MEMO1: variants seen among roughly 807,000 people sequenced by gnomAD.
MEMO1 encodes the protein protein MEMO1.
A neutral mutation model predicts 45.2 loss-of-function variants in MEMO1; 6 were observed. The observed-to-expected ratio is 0.13, with a 90% CI of 0.07 to 0.26. The LOEUF is 0.26. Among genes scored for constraint, MEMO1 ranks in the 10% least tolerant of loss-of-function variants. The pLI is 1.00. For missense variants in MEMO1, 184 were observed against 370.5 expected (o/e 0.50, Z 4.13); for synonymous variants, 78 against 124.3 (o/e 0.63, Z 2.48).
chr2:32,002,918 T>C (rs1673588374), intron 2 of MEMO1, among the ~76,000 whole-genome samples: 1 of 152,220 alleles, frequency 6.6e-6, no homozygotes, highest in African/African-American at 2.4e-5. Flanking sequence ...AAATATGTTC[T>C]TTCCTTCTTG....
At chr2:31,924,579 C>T (rs1231727051) in intron 4 of MEMO1, among the ~76,000 whole-genome samples, 2 of 152,028 alleles carry the variant, frequency 1.3e-5, no homozygotes, top group African/African-American at 4.8e-5. Context: ...ATAGTCTGTG[C>T]ACCCAATGTA....
At chr2:31,897,664 T>G (rs1678067675) in intron 6 of MEMO1, among the ~76,000 whole-genome samples, 1 of 152,198 alleles carries the variant, frequency 6.6e-6, no homozygotes, top group Admixed American at 6.5e-5. Context: ...TCAGGGATAT[T>G]GGCCTGAAAT....
chr2:31,960,863 G>A (rs1044230822), intron 2 of MEMO1, among the ~76,000 whole-genome samples: 1 of 152,134 alleles, frequency 6.6e-6, no homozygotes, highest in Non-Finnish European at 1.5e-5. Context: ...TAGGATTACA[G>A]GTGTGAGCCA....
intron 3 of MEMO1, among the ~76,000 whole-genome samples, chr2:31,934,166 T>C (rs1421841467): frequency 6.6e-6 from 1 of 152,178 alleles, no homozygotes; most frequent in Non-Finnish European, 1.5e-5. Flanking sequence ...TTGCTCTCAG[T>C]TGTCACTCAT....
At chr2:31,872,040 C>CACACACACAT (rs1449084052) in intron 8 of MEMO1, among the ~76,000 whole-genome samples, 1 of 151,826 alleles carries the variant, frequency 6.6e-6, no homozygotes, top group Non-Finnish European at 1.5e-5. Context: ...CACACACACA[C>CACACACACAT]ACACAAAGTT....
intron 5 of MEMO1, among the ~76,000 whole-genome samples, chr2:31,919,949 C>CGTGT (rs61002743): frequency 0.011 from 1,572 of 145,294 alleles, 15 homozygotes; most frequent in African/African-American, 0.018. Context: ...CACACATACA[C>CGTGT]GTGTGTGTGT....
chr2:31,948,452 G>C (rs187495498), intron 2 of MEMO1, among the ~76,000 whole-genome samples: 1 of 152,324 alleles, frequency 6.6e-6, no homozygotes, highest in East Asian at 1.9e-4. Flanking sequence ...TAGGCCGTTG[G>C]CACCCAGTAT....
intron 6 of MEMO1, among the ~76,000 whole-genome samples, chr2:31,910,820 C>A (rs995045399): frequency 9.2e-5 from 14 of 152,034 alleles, no homozygotes; most frequent in African/African-American, 2.9e-4. Context: ...AGATTGTGCA[C>A]CCCTGCACTC....
intron 2 of MEMO1, among the ~76,000 whole-genome samples, chr2:31,963,893 C>G (rs972484454): frequency 1.3e-5 from 2 of 152,064 alleles, no homozygotes; most frequent in Non-Finnish European, 2.9e-5. Context: ...AAAATACACA[C>G]CAAATTTCTA....
At chr2:31,934,840 T>C (rs1664720449) in intron 3 of MEMO1, among the ~76,000 whole-genome samples, 1 of 152,118 alleles carries the variant, frequency 6.6e-6, no homozygotes, top group Admixed American at 6.5e-5. Flanking sequence ...TCTTGAAAAT[T>C]GTGGCAGTAC....
intron 4 of MEMO1, among the ~76,000 whole-genome samples, chr2:31,929,904 T>C (rs1409962947): frequency 6.6e-6 from 1 of 152,202 alleles, no homozygotes; most frequent in Non-Finnish European, 1.5e-5. Flanking sequence ...ATTATTAATT[T>C]TACACTTAGA....
chr2:31,877,272 G>A (rs1674697129), intron 8 of MEMO1, among the ~76,000 whole-genome samples: 1 of 152,132 alleles, frequency 6.6e-6, no homozygotes, highest in Admixed American at 6.5e-5. Context: ...TAAATACCTA[G>A]AATAAAAATA....
intron 6 of MEMO1, among the ~76,000 whole-genome samples, chr2:31,895,968 C>G (rs971423515): frequency 6.6e-6 from 1 of 151,566 alleles, no homozygotes; most frequent in South Asian, 2.1e-4. Flanking sequence ...CTCAGCCTCC[C>G]GAGTAGCTGG....
rs988886743 is a variant in MEMO1 at position 31,994,997 on chromosome 2, G to GGAGA, written c.61+15186_61+15189dup. Among the ~76,000 whole-genome samples the GGAGA allele has an allele frequency of 1.1e-4, 16 of 150,138 alleles. No homozygotes were observed. The South Asian group carries it at 1.5e-3, about 14-fold the overall frequency. The stretch of plus-strand genomic sequence containing the variant: ...GAGAGGAAGGGAGGAAGGGAGGGAG[G>GGAGA]GAGAGAGGGAGGGAGGGAGGAAGGC... On this transcript the variant is annotated intron_variant, in intron 2 of 9. Coordinates refer to ENST00000404530, the MANE Select transcript of MEMO1 (RefSeq NM_001301833.4).
chr2:31,939,635 G>C (rs1392554023), intron 3 of MEMO1, among the ~76,000 whole-genome samples: 2 of 152,098 alleles, frequency 1.3e-5, no homozygotes, highest in African/African-American at 2.4e-5. Flanking sequence ...AATGTCTCTC[G>C]TGAGTTACTA....
At chr2:31,974,763 C>A (rs1234934956) in intron 2 of MEMO1, among the ~76,000 whole-genome samples, 1 of 151,638 alleles carries the variant, frequency 6.6e-6, no homozygotes, top group Non-Finnish European at 1.5e-5. Context: ...GAAAATACAT[C>A]TCTAAAAAGA....
At position 31,995,626 on chromosome 2, in the gene MEMO1, C is replaced by A. The variant is rs1212685644; in HGVS notation, c.61+14561G>T. On this transcript the variant is annotated intron_variant, in intron 2 of 9. Transcript: ENST00000404530. ...AGGAAACAGAAAAAAAGGGGGGGAA[C>A]ATTCTCAGTGAACTGTGGGAGAATA... Among the ~76,000 whole-genome samples, 6 of 151,374 alleles carry A rather than the reference C, an allele frequency of 4.0e-5. No homozygotes were observed. In the East Asian group the frequency reaches 1.2e-3, roughly 29 times the overall value.
intron 6 of MEMO1, among the ~76,000 whole-genome samples, chr2:31,910,213 G>C (rs1572648449): frequency 6.6e-6 from 1 of 152,102 alleles, no homozygotes; most frequent in African/African-American, 2.4e-5. Context: ...AACAAAAATT[G>C]AGGGAGTTTG....
intron 4 of MEMO1, among the ~76,000 whole-genome samples, chr2:31,925,252 C>T (rs550557754): frequency 1.1e-4 from 17 of 151,920 alleles, no homozygotes; most frequent in African/African-American, 2.4e-4. Context: ...CTGAAGCAGG[C>T]GGATCACGAG....
Sources: allele counts gnomAD v4.1 joint callset (sites outside exome capture counted in the v4.1 genomes callset), GRCh38; gene constraint gnomAD v4.1.1; transcripts MANE v1.5; gene names NCBI Gene and HGNC (gene_info 2026-07-23, HGNC 2026-07-21).